SAP130: variants seen among roughly 807,000 people sequenced by gnomAD.
The protein encoded by SAP130 is histone deacetylase complex subunit SAP130.
SAP130 carries 16 observed loss-of-function variants against 103.2 expected under a neutral mutation model. The observed-to-expected ratio is 0.16, with a 90% CI of 0.10 to 0.24. The LOEUF (loss-of-function observed/expected upper bound fraction) is 0.24, where lower values mean the gene tolerates loss of function less well. Ranked by LOEUF, SAP130 falls within the 10% of genes least tolerant of loss-of-function variation. The pLI, the probability that SAP130 is intolerant of heterozygous loss-of-function variation, is 1.00. For synonymous variants in SAP130, 477 were observed against 497.0 expected (o/e 0.96, Z 0.53); for missense variants, 990 against 1,359.7 (o/e 0.73, Z 4.28).
intron 18 of SAP130, among the ~76,000 whole-genome samples, chr2:127,949,236 C>A (rs1463276431): frequency 6.6e-6 from 1 of 152,150 alleles, no homozygotes; most frequent in African/African-American, 2.4e-5. Flanking sequence ...TAGAGGCTCA[C>A]ATTTCTTTGT....
Position 127,981,742 on chromosome 2 carries a change from C to T in SAP130, c.1959-3653G>A, listed in dbSNP as rs58636225. On this transcript the variant is annotated intron_variant, in intron 14 of 20. Coordinates refer to ENST00000643581, the MANE Select transcript of SAP130 (RefSeq NM_001330301.2). ...TGCACCCCCGACAGCTCCCTCACCC[C>T]GACGCAGTCCTCCTGCACCCCGACT... is the stretch of plus-strand genomic sequence containing the variant. Among the ~76,000 whole-genome samples, 5 of 118,884 alleles carry T rather than the reference C, an allele frequency of 4.2e-5. No homozygotes were observed. In the Admixed American group the frequency reaches 4.4e-4, roughly 10 times the overall value. The allele number at this position is 118,884 out of a possible 152,430, so 78.0% of individuals were successfully genotyped here.
At chr2:127,964,342 A>G (rs1163819737) in intron 15 of SAP130, among the ~76,000 whole-genome samples, 1 of 151,774 alleles carries the variant, frequency 6.6e-6, no homozygotes, top group Non-Finnish European at 1.5e-5. Context: ...AAAAGTACAA[A>G]AATTAGCTGG....
chr2:128,026,949 C>G, intron 1 of SAP130: 1 of 733,062 alleles, frequency 1.4e-6, no homozygotes, highest in Non-Finnish European at 1.9e-6. Context: ...CGCCCGCAAC[C>G]CCACCCCACC....
At chr2:127,982,445 T>C (rs1024439823) in intron 14 of SAP130, among the ~76,000 whole-genome samples, 1 of 152,104 alleles carries the variant, frequency 6.6e-6, no homozygotes, top group Non-Finnish European at 1.5e-5. Context: ...ACCGTAAGTA[T>C]TATAGATGTG....
rs137940031 is a variant in SAP130, at chr2:127,974,967, C to T, written c.2063+3018G>A. On this transcript the variant is annotated intron_variant, in intron 15 of 20. Coordinates refer to ENST00000643581, the MANE Select transcript of SAP130 (RefSeq NM_001330301.2). ...CCACATAGTCTAGGTATGCAGTAGG[C>T]CATCCCATATAGGTTTGTACAAGGA... is the stretch of plus-strand genomic sequence containing the variant. 3.7e-4 allele frequency among the ~76,000 whole-genome samples: 56 copies of T among 152,242 alleles called. 1 individual carries two copies. The South Asian group carries it at 6.4e-3, about 17-fold the overall frequency.
At chr2:127,952,190 C>A (rs190285962) in intron 16 of SAP130, among the ~76,000 whole-genome samples, 5 of 152,292 alleles carry the variant, frequency 3.3e-5, no homozygotes, top group Admixed American at 3.3e-4. Context: ...GGTGTGGTGG[C>A]TCACATAACC....
chr2:128,001,751 C>T (rs1308411896), intron 7 of SAP130, among the ~76,000 whole-genome samples: 1 of 151,984 alleles, frequency 6.6e-6, no homozygotes, highest in Non-Finnish European at 1.5e-5. Context: ...TAAGTATACT[C>T]TTATGATGTT....
intron 7 of SAP130, among the ~76,000 whole-genome samples, chr2:128,008,990 A>C (rs1684191324): frequency 6.6e-6 from 1 of 152,018 alleles, no homozygotes; most frequent in African/African-American, 2.4e-5. Flanking sequence ...TTGCCATCAC[A>C]ATCTTAAAAT....
At chr2:128,002,071 C>T (rs1307676940) in intron 7 of SAP130, among the ~76,000 whole-genome samples, 1 of 151,970 alleles carries the variant, frequency 6.6e-6, no homozygotes, top group Non-Finnish European at 1.5e-5. Flanking sequence ...GGACTACAGG[C>T]GCGTGCCACA....
Position 127,986,644 on chromosome 2 carries a change from CAA to C in SAP130, c.1958+139_1958+140del. ...AGGCTCTACTGAATAATCCTGTGGT[CAA>C]GTTGTTTTGGAGGAAATTTTAACAC... is the stretch of plus-strand genomic sequence containing the variant. On this transcript the variant is annotated intron_variant, in intron 14 of 20. Transcript: ENST00000643581. The surrounding 1 kb of genome is among the most constrained non-coding windows in gnomAD (Gnocchi z 4.7). 2 of 864,104 alleles carry C rather than the reference CAA, an allele frequency of 2.3e-6. No individual in the cohort carries two copies. Among genetic ancestry groups the C allele is most frequent in the South Asian group, 3.4e-5 (2 of 59,386 alleles). The allele number at this position is 864,104 out of a possible 1,614,324, so 53.5% of individuals were successfully genotyped here. A position where few individuals can be genotyped will look rare whatever the true frequency, so the allele number is the denominator to read the frequency against.
intron 12 of SAP130, among the ~76,000 whole-genome samples, chr2:127,992,159 A>T (rs1413145737): frequency 6.6e-6 from 1 of 151,832 alleles, no homozygotes; most frequent in Non-Finnish European, 1.5e-5. Context: ...TTTTGTAGAG[A>T]TGGGGTCTCC....
At chr2:127,943,978 T>G (rs1278228733) in intron 19 of SAP130, among the ~76,000 whole-genome samples, 4 of 152,252 alleles carry the variant, frequency 2.6e-5, no homozygotes, top group Non-Finnish European at 1.5e-5. Flanking sequence ...ATGTGGATAC[T>G]GTTGGGCGGT....
At chr2:127,993,982 A>G (rs896465744) in intron 11 of SAP130, among the ~76,000 whole-genome samples, 8 of 152,214 alleles carry the variant, frequency 5.3e-5, no homozygotes, top group African/African-American at 1.9e-4. Context: ...AGAATATGAC[A>G]AAAGAAAGAT....
intron 7 of SAP130, among the ~76,000 whole-genome samples, chr2:128,005,787 C>T (rs1294353152): frequency 6.6e-6 from 1 of 151,958 alleles, no homozygotes; most frequent in Admixed American, 6.6e-5. Context: ...GCTGGGATTA[C>T]AGGCATCCGG....
intron 11 of SAP130, among the ~76,000 whole-genome samples, chr2:127,995,642 T>A (rs1213815887): frequency 7.2e-5 from 11 of 152,118 alleles, no homozygotes; most frequent in Non-Finnish European, 1.2e-4. Flanking sequence ...AGCCAGGAAT[T>A]AATAATAGAT....
At chr2:127,948,560 T>C (rs2104715611) in intron 18 of SAP130, among the ~76,000 whole-genome samples, 1 of 152,122 alleles carries the variant, frequency 6.6e-6, no homozygotes, top group South Asian at 2.1e-4. Context: ...CAGGCTGATT[T>C]TGAACTCCTG....
In SAP130 at chr2:127,955,224, C is replaced by A; in HGVS notation, c.2184G>T (p.Gln728His). Reference protein sequence around the residue: ...PTIAVPPTAQQPPPTIPTMIA... With the variant: ...PTIAVPPTAQHPPPTIPTMIA... Reference sequence around the variant, plus strand: ...TCATAGTTGGAATGGTCGGTGGGGGCTGCTGGGCAGTTGGAGGGACGGCAA... The same window carrying A: ...TCATAGTTGGAATGGTCGGTGGGGGATGCTGGGCAGTTGGAGGGACGGCAA... Residue 728 changes from glutamine to histidine, a missense_variant, in exon 16 of 21, where the codon CAG becomes CAT. This residue lies in a region of SAP130 where 349 missense variants were observed against 384.1 expected (regional missense o/e 0.91). Coordinates refer to ENST00000643581, the MANE Select transcript of SAP130 (RefSeq NM_001330301.2). This position sits in a 1 kb window ranked among gnomAD's most constrained non-coding sequence, Gnocchi z 4.9. The A allele has an allele frequency of 6.2e-7, 1 of 1,614,020 alleles. No individual in the cohort carries two copies. The highest frequency in any genetic ancestry group is 8.5e-7 in the Non-Finnish European group (1 of 1,179,982).
intron 2 of SAP130, among the ~76,000 whole-genome samples, chr2:128,022,397 T>C (rs1685219078): frequency 6.6e-6 from 1 of 152,250 alleles, no homozygotes; most frequent in Non-Finnish European, 1.5e-5. Flanking sequence ...TTTTGGCTAT[T>C]ATGAATACAG....
rs367806899 is a variant in SAP130 at position 128,000,337 on chromosome 2, C to T, written c.987G>A (p.Thr329=). The T allele has an allele frequency of 7.4e-6, 12 of 1,614,192 alleles. No individual in the cohort carries two copies. Among genetic ancestry groups the T allele is most frequent in the African/African-American group, 5.3e-5 (4 of 75,060 alleles). ...ITLPSHPALG[T]PKQQLHTMAQ... Reference sequence around the variant, plus strand: ...CCATTGTATGAAGCTGCTGTTTTGGCGTCCCTAATGCAGGGTGAGATGGTA... The same window carrying T: ...CCATTGTATGAAGCTGCTGTTTTGGTGTCCCTAATGCAGGGTGAGATGGTA... The change falls in exon 8 of 21, where the codon ACG becomes ACA. Residue 329 remains threonine, a synonymous_variant. Coordinates refer to ENST00000643581, the MANE Select transcript of SAP130 (RefSeq NM_001330301.2).
Sources: allele counts gnomAD v4.1 joint callset (sites outside exome capture counted in the v4.1 genomes callset), GRCh38; gene constraint gnomAD v4.1.1; regional missense constraint gnomAD v4.1.1; non-coding constraint Gnocchi (gnomAD v3.1); transcripts MANE v1.5; gene names NCBI Gene and HGNC (gene_info 2026-07-23, HGNC 2026-07-21).